CABP5: variants seen among roughly 807,000 people sequenced by gnomAD.
The protein encoded by CABP5 is calcium-binding protein 5.
CABP5 carries 17 observed loss-of-function variants against 21.9 expected under a neutral mutation model. That is an observed-to-expected ratio of 0.78 (90% CI 0.53 to 1.17). The LOEUF is 1.17. Among genes scored for constraint, CABP5 ranks in the 50% most tolerant of loss-of-function variants. The pLI is 0.00. For synonymous variants in CABP5, 85 were observed against 79.4 expected, an observed-to-expected ratio of 1.07 and a Z score of -0.37; for missense variants, 229 against 228.9, an observed-to-expected ratio of 1.00 and a Z score of 0.00.
rs552294735 is a variant in CABP5 at position 48,041,793 on chromosome 19, C to G, written c.64-190G>C. Among the ~76,000 whole-genome samples, 51 of 152,150 alleles carry G rather than the reference C, an allele frequency of 3.4e-4. 1 individual carries two copies. The highest frequency in any genetic ancestry group is 8.3e-4 in the South Asian group (4 of 4,810). ...TCCACAGTTCTTGGCTCCCCACCCCCCTCTCGATGTCTCTCTCCCACCCAC... is the reference window on the plus strand; with the variant it reads ...TCCACAGTTCTTGGCTCCCCACCCCGCTCTCGATGTCTCTCTCCCACCCAC... On this transcript the variant is annotated intron_variant, in intron 1 of 5. Coordinates refer to ENST00000293255, the MANE Select transcript of CABP5 (RefSeq NM_019855.5).
chr19:48,039,153 A>C, intron 4 of CABP5, 55 bp downstream of exon 4: 1 of 1,409,672 alleles, frequency 7.1e-7, no homozygotes, highest in East Asian at 2.3e-5. Context: ...AATTACAGGC[A>C]GACCTCAGAG....
chr19:48,032,221 C>T (rs1800190253), intron 5 of CABP5, among the ~76,000 whole-genome samples: 3 of 151,844 alleles, frequency 2.0e-5, no homozygotes, highest in Admixed American at 2.0e-4. Context: ...AAGCAGGCAC[C>T]AAGTTTGTGC....
intron 4 of CABP5, among the ~76,000 whole-genome samples, chr19:48,037,829 A>T (rs367678698): frequency 5.9e-5 from 9 of 152,320 alleles, no homozygotes; most frequent in South Asian, 4.1e-4. Context: ...ACTTAAGTAT[A>T]CAAGTACGTT....
chr19:48,034,436 C>T (rs1037550095), intron 4 of CABP5, 74 bp from the exon 5 acceptor site: 7 of 1,217,322 alleles, frequency 5.8e-6, no homozygotes, highest in African/African-American at 3.1e-5. Flanking sequence ...GTTTACCTAT[C>T]GCTTACTGTG....
chr19:48,041,699 T>C (rs1967484116), intron 1 of CABP5, 96 bp from the exon 2 acceptor site: 1 of 1,132,532 alleles, frequency 8.8e-7, no homozygotes, highest in Non-Finnish European at 1.3e-6. Flanking sequence ...CACGCTCTCG[T>C]GGTTCTCTTT....
intron 4 of CABP5, among the ~76,000 whole-genome samples, chr19:48,037,456 CG>C: frequency 6.6e-6 from 1 of 151,432 alleles, no homozygotes; most frequent in South Asian, 2.1e-4. Context: ...TTAGTAGAGA[CG>C]GGGTTTCTCC....
rs2122355178 is a variant in CABP5 at position 48,029,710 on chromosome 19, T to C, written c.*847A>G. On this transcript the variant is annotated 3_prime_UTR_variant, in exon 6 of 6. Coordinates refer to ENST00000293255, the MANE Select transcript of CABP5 (RefSeq NM_019855.5). ...CCCAAGGATCAGCTAGCTCTAAACC[T>C]TGATAATCCAGATTTGTGGTTTAAT... 6.6e-6 allele frequency among the ~76,000 whole-genome samples: 1 copy of C among 152,012 alleles called. No homozygotes were observed. The highest frequency in any genetic ancestry group is 2.1e-4 in the South Asian group (1 of 4,810).
Position 48,037,259 on chromosome 19 carries a change from C to CTTTTTTTTTTTTTTTTTT in CABP5, c.348+1931_348+1948dup, listed in dbSNP as rs57230665. 1.8e-3 allele frequency among the ~76,000 whole-genome samples: 81 copies of CTTTTTTTTTTTTTTTTTT among 44,974 alleles called. 21 individuals are homozygous for CTTTTTTTTTTTTTTTTTT. The highest frequency in any genetic ancestry group is 3.8e-3 in the South Asian group (2 of 524). 29.5% of individuals were successfully genotyped at this position (44,974 alleles called of 152,430 possible). A position where few individuals can be genotyped will look rare whatever the true frequency, so the allele number is the denominator to read the frequency against. On this transcript the variant is annotated intron_variant, in intron 4 of 5. Transcript: ENST00000293255. ...AAGTACACAATGGAATACTATTCAG[C>CTTTTTTTTTTTTTTTTTT]TTTTTTTTTTTTTTTTTTTTTTTTT...
In CABP5 at chr19:48,044,006, C is replaced by T; in HGVS notation, c.-84G>A. The T allele has an allele frequency of 8.2e-7, 1 of 1,223,360 alleles. No homozygotes were observed. The highest frequency in any genetic ancestry group is 1.1e-6 in the Non-Finnish European group (1 of 886,812). The allele number at this position is 1,223,360 out of a possible 1,614,324, so 75.8% of individuals were successfully genotyped here. ...CCCTGTCGGAGCTCAGCCTCCTTAT[C>T]TTCTCCAGCACTCCTTTGCCACCTC... is the stretch of plus-strand genomic sequence containing the variant. On this transcript the variant is annotated 5_prime_UTR_variant, in exon 1 of 6. Coordinates refer to ENST00000293255, the MANE Select transcript of CABP5 (RefSeq NM_019855.5).
intron 2 of CABP5, 70 bp downstream of exon 2, chr19:48,041,503 C>T (rs2122378686): frequency 7.1e-7 from 1 of 1,404,904 alleles, no homozygotes. Context: ...TACGGAAATG[C>T]ACAAAGGGAC....
Position 48,035,609 on chromosome 19 carries a change from G to GA in CABP5, c.349-1248dup, listed in dbSNP as rs1196877040. 3.3e-5 allele frequency among the ~76,000 whole-genome samples: 5 copies of GA among 152,278 alleles called. No individual in the cohort carries two copies. In the East Asian group the frequency reaches 9.6e-4, roughly 29 times the overall value. On this transcript the variant is annotated intron_variant, in intron 4 of 5. Coordinates refer to ENST00000293255, the MANE Select transcript of CABP5 (RefSeq NM_019855.5). The stretch of plus-strand genomic sequence containing the variant: ...CAAAACTGTCTCAAAAAAAGAGAAA[G>GA]AAAATTTTAAATGACCCATGCTGCT...
intron 4 of CABP5, 48 bp downstream of exon 4, chr19:48,039,160 A>T: frequency 7.0e-7 from 1 of 1,430,150 alleles, no homozygotes; most frequent in Non-Finnish European, 9.9e-7. Flanking sequence ...GGCAGACCTC[A>T]GAGGGTCTGC....
chr19:48,035,785 A>G (rs1406242997), intron 4 of CABP5, among the ~76,000 whole-genome samples: 1 of 152,192 alleles, frequency 6.6e-6, no homozygotes, highest in African/African-American at 2.4e-5. Flanking sequence ...CATGAAATAG[A>G]CAAGGTCTCA....
intron 5 of CABP5, 123 bp downstream of exon 5, chr19:48,034,092 C>G (rs1600122560): frequency 1.0e-5 from 10 of 962,974 alleles, no homozygotes; most frequent in Admixed American, 1.0e-4. Context: ...CTGCCACCCG[C>G]TTCCATTCTC....
rs138676872 is a variant in CABP5 at position 48,041,743 on chromosome 19, C to A, written c.64-140G>T. On this transcript the variant is annotated intron_variant, in intron 1 of 5. Coordinates refer to ENST00000293255, the MANE Select transcript of CABP5 (RefSeq NM_019855.5). ...TCTCTCCTCCTCCATCCCTCCCATT[C>A]CTTTTCCCATCTCCTGACTCCTGTT... The A allele has an allele frequency of 2.2e-4, 163 of 726,510 alleles. 1 individual carries two copies. The East Asian group carries it at 3.8e-3, about 17-fold the overall frequency. The allele number at this position is 726,510 out of a possible 1,614,324, so 45.0% of individuals were successfully genotyped here. A position where few individuals can be genotyped will look rare whatever the true frequency, so the allele number is the denominator to read the frequency against.
In CABP5 at chr19:48,030,590, G is replaced by T. The variant is rs554530583; in HGVS notation, c.497-8C>A. The T allele has an allele frequency of 7.9e-7, 1 of 1,270,080 alleles. No homozygotes were observed. Among genetic ancestry groups the T allele is most frequent in the Non-Finnish European group, 1.1e-6 (1 of 935,816 alleles). The allele number at this position is 1,270,080 out of a possible 1,614,324, so 78.7% of individuals were successfully genotyped here. A position where few individuals can be genotyped will look rare whatever the true frequency, so the allele number is the denominator to read the frequency against. On this transcript the variant is annotated splice_polypyrimidine_tract_variant and splice_region_variant and intron_variant, in intron 5 of 5. Coordinates refer to ENST00000293255, the MANE Select transcript of CABP5 (RefSeq NM_019855.5). ...ACATCATCTTCACAAACTCTGCAAA[G>T]AAAAAAAAAAATCCCCAGTAAGGCA...
At chr19:48,037,327 G>A (rs1446698334) in intron 4 of CABP5, among the ~76,000 whole-genome samples, 1 of 132,034 alleles carries the variant, frequency 7.6e-6, no homozygotes, top group South Asian at 2.5e-4. Flanking sequence ...GGAGTGCAGT[G>A]GTGCGATCTT....
intron 1 of CABP5, 52 bp downstream of exon 1, chr19:48,043,808 C>A: frequency 3.5e-6 from 5 of 1,420,594 alleles, no homozygotes; most frequent in Non-Finnish European, 4.7e-6. Context: ...TGTCCCACAC[C>A]CCTGCTCCCT....
chr19:48,043,712 G>A, intron 1 of CABP5, 148 bp downstream of exon 1: 1 of 569,134 alleles, frequency 1.8e-6, no homozygotes, highest in Non-Finnish European at 2.8e-6. Context: ...GACCCCACCA[G>A]GGTCCTTGGA....
Sources: gnomAD v4.1 joint callset for allele counts (sites outside exome capture counted in the v4.1 genomes callset) on GRCh38, gnomAD v4.1.1 for gene constraint, MANE v1.5 for transcripts, NCBI Gene and HGNC (gene_info 2026-07-23, HGNC 2026-07-21) for gene names.